CNTN5: variants seen among roughly 807,000 people sequenced by gnomAD.
CNTN5 encodes the protein contactin 5, also known as contactin-5.
Under a neutral mutation model 129.1 loss-of-function variants are expected in CNTN5, and 77 were observed. The ratio of observed to expected loss-of-function variants is 0.60; its 90% CI spans 0.50 to 0.72. The LOEUF is 0.72. Among genes scored for constraint, CNTN5 ranks in the 30% least tolerant of loss-of-function variants. CNTN5 has a pLI of 0.00. For synonymous variants in CNTN5, 509 were observed against 465.6 expected (o/e 1.09, Z -1.20); for missense variants, 1,478 against 1,328.8 (o/e 1.11, Z -1.75).
At chr11:99,477,327 T>G (rs930837480) in intron 2 of CNTN5, among the ~76,000 whole-genome samples, 2 of 151,926 alleles carry the variant, frequency 1.3e-5, no homozygotes, top group African/African-American at 4.8e-5. Flanking sequence ...ACAAAGAAAA[T>G]TTTGTTTTTG....
intron 13 of CNTN5, among the ~76,000 whole-genome samples, chr11:100,172,630 G>C (rs1947858033): frequency 6.6e-6 from 1 of 151,998 alleles, no homozygotes; most frequent in Admixed American, 6.6e-5. Context: ...AGACTTGGAA[G>C]CAGGAAAAGT....
intron 1 of CNTN5, among the ~76,000 whole-genome samples, chr11:99,231,727 C>A (rs1861010419): frequency 1.3e-5 from 2 of 151,966 alleles, no homozygotes; most frequent in African/African-American, 4.8e-5. Context: ...TTTGCCTGTG[C>A]CTATGTCCTG....
intron 2 of CNTN5, among the ~76,000 whole-genome samples, chr11:99,481,213 T>A (rs961774700): frequency 3.9e-5 from 6 of 152,168 alleles, no homozygotes; most frequent in African/African-American, 1.4e-4. Flanking sequence ...CTTTTTAAAA[T>A]TTTCATCTTT....
intron 21 of CNTN5, among the ~76,000 whole-genome samples, chr11:100,330,149 G>A (rs1185483151): frequency 6.6e-6 from 1 of 152,018 alleles, no homozygotes; most frequent in African/African-American, 2.4e-5. Flanking sequence ...CACAACTTCT[G>A]GAAATCAAAG....
chr11:100,273,280 G>A (rs1050995050), intron 18 of CNTN5, among the ~76,000 whole-genome samples: 3 of 152,068 alleles, frequency 2.0e-5, no homozygotes, highest in African/African-American at 4.8e-5. Context: ...CACTGCAGCC[G>A]CAGCGTCCCC....
chr11:99,590,262 A>C (rs1363341962), intron 3 of CNTN5, among the ~76,000 whole-genome samples: 1 of 152,234 alleles, frequency 6.6e-6, no homozygotes, highest in Non-Finnish European at 1.5e-5. Context: ...TAATAATAAA[A>C]ATAGATAAGA....
intron 3 of CNTN5, among the ~76,000 whole-genome samples, chr11:99,805,015 T>A (rs1429961254): frequency 1.3e-5 from 2 of 152,060 alleles, no homozygotes; most frequent in Non-Finnish European, 2.9e-5. Context: ...CATAGGTAAC[T>A]GTTTATTGAG....
chr11:99,812,124 A>C (rs1232488907), intron 3 of CNTN5, among the ~76,000 whole-genome samples: 3 of 152,146 alleles, frequency 2.0e-5, no homozygotes, highest in Non-Finnish European at 2.9e-5. Context: ...CCTGAACAGG[A>C]ATATGGAGAA....
At chr11:99,499,815 T>A (rs1946361360) in intron 2 of CNTN5, among the ~76,000 whole-genome samples, 1 of 152,238 alleles carries the variant, frequency 6.6e-6, no homozygotes, top group African/African-American at 2.4e-5. Context: ...TATTGTTTTC[T>A]GTTTTTGATG....
At position 99,583,628 on chromosome 11, in the gene CNTN5, C is replaced by T. The variant is rs181594145; in HGVS notation, c.55+27359C>T. 3.3e-3 allele frequency among the ~76,000 whole-genome samples: 501 copies of T among 152,306 alleles called. 6 individuals carry two copies. The highest frequency in any genetic ancestry group is 0.011 in the African/African-American group (471 of 41,562). ...TGGGTGTAGGACTCTCTGAGCCATG[C>T]GCGGGATATAATCTCCTGGTGTGCC... is the stretch of plus-strand genomic sequence containing the variant. On this transcript the variant is annotated intron_variant, in intron 3 of 24. Coordinates refer to ENST00000524871, the MANE Select transcript of CNTN5 (RefSeq NM_014361.4).
chr11:99,417,274 C>T (rs946916621), intron 2 of CNTN5, among the ~76,000 whole-genome samples: 1 of 152,090 alleles, frequency 6.6e-6, no homozygotes, highest in African/African-American at 2.4e-5. Context: ...AGATTAAACA[C>T]ACTCATTGGT....
intron 8 of CNTN5, among the ~76,000 whole-genome samples, chr11:99,990,563 C>CTCA (rs1939016255): frequency 1.3e-5 from 2 of 151,724 alleles, no homozygotes; most frequent in South Asian, 4.2e-4. Context: ...ATAAATAATA[C>CTCA]TCATAATGGT....
At chr11:99,988,742 C>G (rs75388523) in intron 8 of CNTN5, among the ~76,000 whole-genome samples, 10,706 of 152,108 alleles carry the variant, frequency 0.07, 792 homozygotes, top group East Asian at 0.31. Flanking sequence ...GAATTCCCCA[C>G]CAGTGTGGCT....
chr11:99,464,501 A>G (rs945917245), intron 2 of CNTN5, among the ~76,000 whole-genome samples: 1 of 152,218 alleles, frequency 6.6e-6, no homozygotes, highest in Admixed American at 6.5e-5. Context: ...GAGTATAAAA[A>G]AAGAAGATGT....
intron 1 of CNTN5, among the ~76,000 whole-genome samples, chr11:99,023,077 T>G (rs1185587618): frequency 6.6e-6 from 1 of 152,214 alleles, no homozygotes; most frequent in African/African-American, 2.4e-5. Context: ...GCTACAGTTG[T>G]GGAATTTTTA....
rs751967593 is a variant in CNTN5, at chr11:100,276,576, A to C, written c.2314+5335A>C. ...AAGGAAAGAAACACTCTTGATAGTC[A>C]GCAAAGCTAAGATAAATTGGTTCAG... On this transcript the variant is annotated intron_variant, in intron 18 of 24. Coordinates refer to ENST00000524871, the MANE Select transcript of CNTN5 (RefSeq NM_014361.4). Among the ~76,000 whole-genome samples, 9 of 151,242 alleles carry C rather than the reference A, an allele frequency of 6.0e-5. No homozygotes were observed. In the East Asian group the frequency reaches 1.7e-3, roughly 29 times the overall value.
chr11:99,630,248 A>G (rs1207467312), intron 3 of CNTN5, among the ~76,000 whole-genome samples: 28 of 1,192 alleles, frequency 0.023, no homozygotes, highest in Admixed American at 0.042. Flanking sequence ...GTGTATATAC[A>G]TATATATATA....
intron 3 of CNTN5, among the ~76,000 whole-genome samples, chr11:99,599,967 A>T (rs1036053552): frequency 6.6e-6 from 1 of 152,168 alleles, no homozygotes; most frequent in East Asian, 1.9e-4. Flanking sequence ...TAAAGAGAAA[A>T]AAACCTTTCC....
At chr11:100,074,379 C>T in intron 13 of CNTN5, 85 bp downstream of exon 13, 2 of 1,137,632 alleles carry the variant, frequency 1.8e-6, no homozygotes, top group Non-Finnish European at 2.5e-6. Flanking sequence ...AAGAAAGAGT[C>T]TTGCAGTACC....
Sources: allele counts gnomAD v4.1 joint callset (sites outside exome capture counted in the v4.1 genomes callset), GRCh38; gene constraint gnomAD v4.1.1; transcripts MANE v1.5; gene names NCBI Gene and HGNC (gene_info 2026-07-23, HGNC 2026-07-21).